Variants in SGMS2 observed in about 807,000 individuals in gnomAD.
The protein encoded by SGMS2 is phosphatidylcholine:ceramide cholinephosphotransferase 2.
SGMS2 carries 21 observed loss-of-function variants against 43.8 expected under a neutral mutation model. The ratio of observed to expected loss-of-function variants is 0.48; its 90% CI spans 0.34 to 0.69. SGMS2 has a LOEUF of 0.69. Among genes scored for constraint, SGMS2 ranks in the 30% least tolerant of loss-of-function variants. The pLI is 0.01. For missense variants in SGMS2, 384 were observed against 443.2 expected (o/e 0.87, Z 1.20); for synonymous variants, 167 against 160.6 (o/e 1.04, Z -0.30).
chr4:107,844,087 C>T (rs1726671862), intron 1 of SGMS2, among the ~76,000 whole-genome samples: 1 of 152,040 alleles, frequency 6.6e-6, no homozygotes, highest in African/African-American at 2.4e-5. Flanking sequence ...CTTTGGGAGG[C>T]CAAGACAGGC....
intron 1 of SGMS2, among the ~76,000 whole-genome samples, chr4:107,848,833 T>C (rs1482500572): frequency 6.6e-6 from 1 of 152,184 alleles, no homozygotes; most frequent in Non-Finnish European, 1.5e-5. Context: ...TGCAAATACT[T>C]TCTCCTAGTC....
At chr4:107,840,630 A>T (rs796777303) in intron 1 of SGMS2, among the ~76,000 whole-genome samples, 13 of 152,328 alleles carry the variant, frequency 8.5e-5, no homozygotes, top group African/African-American at 3.1e-4. Flanking sequence ...TCTTGCATTT[A>T]AAAATATTCA....
In SGMS2 at chr4:107,910,361, C is replaced by T. The variant is rs370963195; in HGVS notation, c.906C>T (p.Val302=). The change falls in exon 7 of 7, where the codon GTC becomes GTT. Residue 302 remains valine, a synonymous_variant. Coordinates refer to ENST00000690982, the MANE Select transcript of SGMS2 (RefSeq NM_001375905.1). The part of the protein sequence containing the change: ...HSMANEKNLK[V]SSQTNFLSRA... ...TCTACCATTTACAGAACTTGAAGGT[C>T]TCTTCACAGACTAATTTCTTATCTC... 5 of 1,613,764 alleles carry T rather than the reference C, an allele frequency of 3.1e-6. No homozygotes were observed. The highest frequency in any genetic ancestry group is 1.1e-5 in the South Asian group (1 of 91,070).
chr4:107,839,202 T>A (rs1726364477), intron 1 of SGMS2, among the ~76,000 whole-genome samples: 1 of 152,164 alleles, frequency 6.6e-6, no homozygotes. Flanking sequence ...AATTTACCAT[T>A]TTTGAAACTT....
intron 1 of SGMS2, among the ~76,000 whole-genome samples, chr4:107,838,880 C>G (rs1238447981): frequency 1.3e-5 from 2 of 152,132 alleles, no homozygotes; most frequent in Non-Finnish European, 2.9e-5. Context: ...AATCTGCTAA[C>G]CTCTTCCTGC....
Position 107,899,556 on chromosome 4 carries a change from T to A in SGMS2, c.456-19T>A. 1 of 1,568,980 alleles carries A rather than the reference T, an allele frequency of 6.4e-7. No individual in the cohort carries two copies. Among genetic ancestry groups the A allele is most frequent in the Non-Finnish European group, 8.7e-7 (1 of 1,148,346 alleles). On this transcript the variant is annotated intron_variant, in intron 3 of 6. Coordinates refer to ENST00000690982, the MANE Select transcript of SGMS2 (RefSeq NM_001375905.1). ...CAACCAGTAAACTTGTTTTTCCCCA[T>A]CCCTATTTTTTCTTTTAGGTCAATA... is the stretch of plus-strand genomic sequence containing the variant.
intron 2 of SGMS2, among the ~76,000 whole-genome samples, chr4:107,861,347 C>T (rs1231710796): frequency 6.6e-6 from 1 of 152,150 alleles, no homozygotes; most frequent in Non-Finnish European, 1.5e-5. Flanking sequence ...TTTGATTTCC[C>T]AAGACCTAAA....
At chr4:107,880,584 G>T (rs957615062) in intron 2 of SGMS2, among the ~76,000 whole-genome samples, 1 of 152,040 alleles carries the variant, frequency 6.6e-6, no homozygotes, top group Non-Finnish European at 1.5e-5. Context: ...GGCCGGGTGC[G>T]ATGGCTCACA....
rs1035784857 is a variant in SGMS2 at position 107,914,784 on chromosome 4, T to C, written c.*4231T>C. The C allele has an allele frequency of 6.6e-6, 1 of 152,188 alleles. No homozygotes were observed. Among genetic ancestry groups the C allele is most frequent in the African/African-American group, 2.4e-5 (1 of 41,460 alleles). 9.4% of individuals were successfully genotyped at this position (152,188 alleles called of 1,614,324 possible). On this transcript the variant is annotated 3_prime_UTR_variant, in exon 7 of 7. Transcript: ENST00000690982. Reference sequence around the variant, plus strand: ...TTCCTTTTTTGATAAAGAGGAAATTTGTTTTCCATGCTTGTGATTTTGTGT... The same window carrying C: ...TTCCTTTTTTGATAAAGAGGAAATTCGTTTTCCATGCTTGTGATTTTGTGT...
intron 2 of SGMS2, among the ~76,000 whole-genome samples, chr4:107,865,399 AT>A (rs1414577951): frequency 5.9e-5 from 9 of 152,218 alleles, no homozygotes. Flanking sequence ...AAATCAAAAT[AT>A]GCAATTTCAG....
At chr4:107,868,611 G>A (rs982880761) in intron 2 of SGMS2, among the ~76,000 whole-genome samples, 3 of 151,958 alleles carry the variant, frequency 2.0e-5, no homozygotes, top group African/African-American at 4.8e-5. Flanking sequence ...CTAGCTACTC[G>A]GGAGGCTGAG....
At chr4:107,859,560 C>G (rs1433544778) in intron 2 of SGMS2, among the ~76,000 whole-genome samples, 11 of 152,122 alleles carry the variant, frequency 7.2e-5, no homozygotes, top group Admixed American at 7.2e-4. Context: ...TGGTGTCTGT[C>G]TCATTGAAGC....
intron 2 of SGMS2, among the ~76,000 whole-genome samples, chr4:107,870,855 T>C (rs543673396): frequency 1.3e-5 from 2 of 152,222 alleles, no homozygotes; most frequent in Non-Finnish European, 2.9e-5. Context: ...TAAAAAGCAA[T>C]TTAAAGTGAT....
chr4:107,910,302 A>C (rs1408558755), intron 6 of SGMS2, 48 bp from the exon 7 acceptor site: 1 of 1,481,224 alleles, frequency 6.8e-7, no homozygotes, highest in Admixed American at 1.7e-5. Context: ...ATTGGGATGC[A>C]AATTGAGAAA....
intron 2 of SGMS2, among the ~76,000 whole-genome samples, chr4:107,864,893 T>G (rs969925614): frequency 3.9e-5 from 6 of 152,152 alleles, no homozygotes; most frequent in Non-Finnish European, 8.8e-5. Context: ...TTGGGGAAAA[T>G]GCATTTAAGT....
At chr4:107,889,431 G>A (rs1014778738) in intron 2 of SGMS2, among the ~76,000 whole-genome samples, 4 of 152,086 alleles carry the variant, frequency 2.6e-5, no homozygotes, top group Non-Finnish European at 4.4e-5. Context: ...TAATTTTAAA[G>A]CTAGCTTATT....
chr4:107,866,065 G>A (rs1357398698), intron 2 of SGMS2, among the ~76,000 whole-genome samples: 1 of 152,232 alleles, frequency 6.6e-6, no homozygotes, highest in Non-Finnish European at 1.5e-5. Flanking sequence ...TCAAGTGGCA[G>A]AGTCAGGGTT....
intron 4 of SGMS2, among the ~76,000 whole-genome samples, chr4:107,900,650 AC>A (rs1409560393): frequency 3.3e-5 from 5 of 151,908 alleles, no homozygotes; most frequent in African/African-American, 1.2e-4. Flanking sequence ...ATCATCTCGG[AC>A]TTCAGTGCAC....
chr4:107,910,650 A>C lies in SGMS2; in HGVS notation c.*97A>C. The C allele has an allele frequency of 8.3e-7, 1 of 1,211,168 alleles. No individual in the cohort carries two copies. Among genetic ancestry groups the C allele is most frequent in the Non-Finnish European group, 1.1e-6 (1 of 874,718 alleles). The allele number at this position is 1,211,168 out of a possible 1,614,324, so 75.0% of individuals were successfully genotyped here. ...TTATTTTAGGAGAACTGACTGGTAA[A>C]TGAAGAAATGGACCAAATTTTGTGT... On this transcript the variant is annotated 3_prime_UTR_variant, in exon 7 of 7. Transcript: ENST00000690982.
Sources: allele counts gnomAD v4.1 joint callset (sites outside exome capture counted in the v4.1 genomes callset), GRCh38; gene constraint gnomAD v4.1.1; transcripts MANE v1.5; gene names NCBI Gene and HGNC (gene_info 2026-07-23, HGNC 2026-07-21).